SASH1: variants seen among roughly 807,000 people sequenced by gnomAD.
SASH1 encodes SAM and SH3 domain containing 1.
Under a neutral mutation model 125.2 loss-of-function variants are expected in SASH1, and 44 were observed. That is an observed-to-expected ratio of 0.35 (90% confidence interval 0.28 to 0.45). The LOEUF (loss-of-function observed/expected upper bound fraction) is 0.45, where lower values mean the gene tolerates loss of function less well. Among genes scored for constraint, SASH1 ranks in the 20% least tolerant of loss-of-function variants. The pLI is 1.00. For missense variants in SASH1, 1,426 were observed against 1,614.5 expected, an observed-to-expected ratio of 0.88 and a Z score of 2.00; for synonymous variants, 639 against 649.1, an observed-to-expected ratio of 0.98 and a Z score of 0.24.
chr6:148,224,928 A>G, the SASH1 span, among the ~76,000 whole-genome samples: 1 of 152,308 alleles, frequency 6.6e-6, no homozygotes, highest in South Asian at 2.1e-4. Context: ...GGGCCTTTGT[A>G]TAGGTGACCC....
the SASH1 span, among the ~76,000 whole-genome samples, chr6:148,228,950 A>G: frequency 6.6e-6 from 1 of 152,042 alleles, no homozygotes; most frequent in Non-Finnish European, 1.5e-5. Flanking sequence ...AGCCTGGGCA[A>G]TGTGGTGAAA....
At chr6:148,248,763 C>G in the SASH1 span, among the ~76,000 whole-genome samples, 7 of 152,326 alleles carry the variant, frequency 4.6e-5, no homozygotes, top group East Asian at 3.9e-4. Context: ...TGATTTGTAG[C>G]TGTGTTTCCC....
At chr6:148,353,609 A>G (rs1781820653) in intron 1 of SASH1, among the ~76,000 whole-genome samples, 2 of 151,496 alleles carry the variant, frequency 1.3e-5, no homozygotes, top group African/African-American at 4.9e-5. Context: ...TAATTTTTGT[A>G]TTTTTAGTAG....
intron 4 of SASH1, among the ~76,000 whole-genome samples, chr6:148,450,737 G>A (rs1194270321): frequency 7.0e-6 from 1 of 143,142 alleles, no homozygotes; most frequent in Non-Finnish European, 1.5e-5. Flanking sequence ...TATTATATTT[G>A]AGACTCATTA....
intron 8 of SASH1, among the ~76,000 whole-genome samples, chr6:148,489,070 T>C (rs1778993370): frequency 6.6e-6 from 1 of 152,208 alleles, no homozygotes; most frequent in African/African-American, 2.4e-5. Context: ...GATGTTGCCC[T>C]CTGGTTTTTT....
intron 17 of SASH1, among the ~76,000 whole-genome samples, chr6:148,542,498 C>T (rs1268589168): frequency 3.9e-5 from 6 of 152,082 alleles, no homozygotes; most frequent in Non-Finnish European, 7.4e-5. Context: ...GCCATTCTCC[C>T]GCCTCAGCCT....
intron 1 of SASH1, among the ~76,000 whole-genome samples, chr6:148,378,173 T>C (rs1782985579): frequency 6.6e-6 from 1 of 151,344 alleles, no homozygotes; most frequent in Non-Finnish European, 1.5e-5. Context: ...TGCCTCAGCC[T>C]CCGGAGTAGC....
In SASH1 at chr6:148,298,857, GAAGGAGGGAGGGAAGT is replaced by G. The variant is rs892762181; in HGVS notation, n.74+26494_74+26509del. ...GAAGGAAGGAAAAAAGGAAGGAAGG[GAAGGAGGGAGGGAAGT>G]AAGGAGGGAGGGAGGGAGGGAAGGA... On this transcript the variant is annotated intron_variant and non_coding_transcript_variant, in intron 1 of 3. Coordinates refer to the SASH1 transcript ENST00000367469. Among the ~76,000 whole-genome samples the G allele has an allele frequency of 4.1e-4, 49 of 120,790 alleles. 1 individual carries two copies. In the South Asian group the frequency reaches 0.013, roughly 33 times the overall value. The allele number at this position is 120,790 out of a possible 152,430, so 79.2% of individuals were successfully genotyped here.
chr6:148,427,813 T>A (rs1775891197), intron 2 of SASH1, among the ~76,000 whole-genome samples: 1 of 152,196 alleles, frequency 6.6e-6, no homozygotes, highest in Admixed American at 6.5e-5. Context: ...TGGGTACTTC[T>A]TGTCTCCTCT....
chr6:148,451,997 C>T (rs1375485727), intron 4 of SASH1, among the ~76,000 whole-genome samples: 2 of 152,118 alleles, frequency 1.3e-5, no homozygotes, highest in Non-Finnish European at 2.9e-5. Flanking sequence ...GAGGCATGCC[C>T]TTCAGAGTGG....
At chr6:148,289,535 G>A (rs965363731) in intron 1 of SASH1, among the ~76,000 whole-genome samples, 5 of 152,166 alleles carry the variant, frequency 3.3e-5, no homozygotes, top group Admixed American at 2.0e-4. Flanking sequence ...TTTTCTTCAC[G>A]GTAACCAATG....
intron 1 of SASH1, among the ~76,000 whole-genome samples, chr6:148,373,890 T>C (rs1053109927): frequency 6.6e-6 from 1 of 152,214 alleles, no homozygotes; most frequent in African/African-American, 2.4e-5. Context: ...GGAGAATTGC[T>C]TGAACCTGGG....
chr6:148,429,586 A>T (rs886897816), intron 2 of SASH1, among the ~76,000 whole-genome samples: 1 of 151,408 alleles, frequency 6.6e-6, no homozygotes, highest in Admixed American at 6.6e-5. Context: ...CTCCATCTCT[A>T]AAAAAAATAA....
Position 148,350,241 on chromosome 6 carries a change from G to A in SASH1, c.156+7018G>A, listed in dbSNP as rs147700183. Reference sequence around the variant, plus strand: ...AGGCCAAGGCTGGAGGATCGCTTGAGGCCAGGAGTTAGACCAGCCTGGGTA... The same window carrying A: ...AGGCCAAGGCTGGAGGATCGCTTGAAGCCAGGAGTTAGACCAGCCTGGGTA... On this transcript the variant is annotated intron_variant, in intron 1 of 19. Transcript: ENST00000367467. 2.8e-3 allele frequency among the ~76,000 whole-genome samples: 433 copies of A among 152,222 alleles called. 2 individuals carry two copies. Among genetic ancestry groups the A allele is most frequent in the African/African-American group, 9.8e-3 (406 of 41,544 alleles).
chr6:148,483,975 G>T (rs1274285548), intron 7 of SASH1, among the ~76,000 whole-genome samples: 2 of 152,180 alleles, frequency 1.3e-5, no homozygotes, highest in African/African-American at 2.4e-5. Flanking sequence ...AAGCAGAAAA[G>T]AACTTAATCA....
chr6:148,343,141 C>G lies in SASH1; in HGVS notation c.74C>G (p.Pro25Arg). 7 of 1,598,132 alleles carry G rather than the reference C, an allele frequency of 4.4e-6. No individual in the cohort carries two copies. The highest frequency in any genetic ancestry group is 5.9e-6 in the Non-Finnish European group (7 of 1,178,598). ...CCCGAGCCGGAGCCCGAGCCCGCGC[C>G]GGAGCCGGAACCGGAGCCCAAGCCG... is the stretch of plus-strand genomic sequence containing the variant. ...PEPEPEPEPA[P>R]EPEPEPKPGA... is the part of the protein sequence containing the mutation. Residue 25 changes from proline to arginine, a missense_variant, in exon 1 of 20, where the codon CCG (proline) becomes CGG (arginine). By Grantham distance (103) the Pro-to-Arg change is moderately radical. Around this residue, in one of 3 missense-constraint regions of SASH1, gnomAD observed 567 missense variants for 575.6 expected, o/e 0.99. Transcript: ENST00000367467.
intron 1 of SASH1, among the ~76,000 whole-genome samples, chr6:148,334,377 G>C (rs1212718464): frequency 1.5e-5 from 2 of 136,662 alleles, no homozygotes; most frequent in African/African-American, 2.8e-5. Context: ...GCAGTGAGCC[G>C]AGATTGCGCC....
chr6:148,521,333 G>T (rs566232077), intron 10 of SASH1, among the ~76,000 whole-genome samples: 1 of 152,336 alleles, frequency 6.6e-6, no homozygotes, highest in Admixed American at 6.5e-5. Context: ...TTCAATAGTG[G>T]TTTTCCCAGG....
At chr6:148,433,647 G>A (rs1198269384) in intron 2 of SASH1, among the ~76,000 whole-genome samples, 3 of 151,862 alleles carry the variant, frequency 2.0e-5, no homozygotes, top group East Asian at 1.9e-4. Context: ...CTCGTGATCC[G>A]CCCGCCTCAG....
Sources: gnomAD v4.1 joint callset for allele counts (sites outside exome capture counted in the v4.1 genomes callset) on GRCh38, gnomAD v4.1.1 for gene constraint, gnomAD v4.1.1 regional missense constraint, MANE v1.5 for transcripts, NCBI Gene and HGNC (gene_info 2026-07-23, HGNC 2026-07-21) for gene names.